Variants in RIPK3 observed in about 807,000 individuals in gnomAD.
RIPK3 encodes the protein receptor interacting serine/threonine kinase 3.
A neutral mutation model predicts 51.6 loss-of-function variants in RIPK3; 51 were observed. The ratio of observed to expected loss-of-function variants is 0.99; its 90% confidence interval spans 0.79 to 1.25. The LOEUF (loss-of-function observed/expected upper bound fraction) is 1.25. RIPK3 is among the 50% of genes most tolerant of loss of function. The pLI, the probability that RIPK3 is intolerant of heterozygous loss-of-function variation, is 0.00. For missense variants in RIPK3, 654 were observed against 650.4 expected (o/e 1.01, Z -0.06); for synonymous variants, 246 against 257.7 (o/e 0.95, Z 0.44).
rs2042167092 is a variant in RIPK3 at position 24,339,380 on chromosome 14, T to C, written c.162-56A>G. 3 of 1,609,642 alleles carry C rather than the reference T, an allele frequency of 1.9e-6. No individual in the cohort carries two copies. The highest frequency in any genetic ancestry group is 2.2e-5 in the South Asian group (2 of 90,900). On this transcript the variant is annotated intron_variant, in intron 2 of 9. Transcript: ENST00000216274. The surrounding 1 kb of genome is among the most constrained non-coding windows in gnomAD (Gnocchi z 4.0). ...CGGGGTCGTGGGAAAATCCCTCCCT[T>C]CGCCATTCAGGCCCCAGAGCACAGT...
At chr14:24,337,545 T>C in intron 7 of RIPK3, 85 bp from the exon 8 acceptor site, 3 of 1,610,418 alleles carry the variant, frequency 1.9e-6, no homozygotes, top group Non-Finnish European at 2.5e-6. Flanking sequence ...CCATAATCTG[T>C]TGTCTGGGAA....
chr14:24,336,478 C>G (rs1401174722), intron 9 of RIPK3, 83 bp from the exon 10 acceptor site: 2 of 1,546,954 alleles, frequency 1.3e-6, no homozygotes, highest in East Asian at 2.3e-5. Flanking sequence ...TATGAAGTCT[C>G]TACTTGTCAG....
At position 24,336,201 on chromosome 14, in the gene RIPK3, C is replaced by G; in HGVS notation, c.1531G>C (p.Gly511Arg). ...TATTTCCCGCTATGATTATACCAAC[C>G]CTGTGGCCTGCTCCAGGCTTCAGGA... is the stretch of plus-strand genomic sequence containing the variant. ...KDPEAWSRPQ[G>R]WYNHSGK is the part of the protein sequence containing the mutation. The change falls in exon 10 of 10, where the codon GGT becomes CGT. Residue 511 changes from glycine to arginine, a missense_variant. Coordinates refer to ENST00000216274, the MANE Select transcript of RIPK3 (RefSeq NM_006871.4). 6.2e-7 allele frequency: 1 copy of G among 1,613,916 alleles called. No homozygotes were observed. The highest frequency in any genetic ancestry group is 8.5e-7 in the Non-Finnish European group (1 of 1,179,962).
chr14:24,337,114 G>C lies in RIPK3; in HGVS notation c.1247C>G (p.Thr416Arg), dbSNP rs750757582. 5.6e-6 allele frequency: 9 copies of C among 1,611,082 alleles called. No individual in the cohort carries two copies. The Admixed American group carries it at 1.5e-4, about 27-fold the overall frequency. The change falls in exon 8 of 10, where the codon ACA becomes AGA. Residue 416 changes from threonine (T) to arginine (R), a missense_variant. By Grantham distance (71) the Thr-to-Arg change is moderately conservative. Coordinates refer to ENST00000216274, the MANE Select transcript of RIPK3 (RefSeq NM_006871.4). ...ATTCCCTCGGGGTCCAGGACTTGGTGTTCCAGTTGAGGTAGGGCTGGGCAT... is the reference window on the plus strand; with the variant it reads ...ATTCCCTCGGGGTCCAGGACTTGGTCTTCCAGTTGAGGTAGGGCTGGGCAT... ...NQMPSPTSTG[T>R]PSPGPRGNQG... is the part of the protein sequence containing the mutation.
chr14:24,337,532 G>T (rs572227719), intron 7 of RIPK3, 72 bp from the exon 8 acceptor site: 2 of 1,611,256 alleles, frequency 1.2e-6, no homozygotes, highest in Admixed American at 3.3e-5. Context: ...GTAGTCTCTC[G>T]GTCCATAATC....
rs1329128584 is a variant in RIPK3, at chr14:24,338,887, C to T, written c.471+128G>A. 3 of 802,686 alleles carry T rather than the reference C, an allele frequency of 3.7e-6. No individual in the cohort carries two copies. The African/African-American group carries it at 5.2e-5, about 14-fold the overall frequency. The allele number at this position is 802,686 out of a possible 1,614,324, so 49.7% of individuals were successfully genotyped here. On this transcript the variant is annotated intron_variant, in intron 3 of 9. Coordinates refer to ENST00000216274, the MANE Select transcript of RIPK3 (RefSeq NM_006871.4). ...TGGCTGGGCTTTGTCCCCTGGCAGC[C>T]CTGTGTCCAGAGAGAGAGGCTACGC...
At position 24,336,840 on chromosome 14, in the gene RIPK3, G is replaced by T. The variant is rs767072012; in HGVS notation, c.1336+45C>A. The T allele has an allele frequency of 2.6e-6, 4 of 1,530,052 alleles. No individual in the cohort carries two copies. In the African/African-American group the frequency reaches 5.5e-5, roughly 21 times the overall value. 94.8% of individuals were successfully genotyped at this position (1,530,052 alleles called of 1,614,324 possible). On this transcript the variant is annotated intron_variant, in intron 9 of 9. Coordinates refer to ENST00000216274, the MANE Select transcript of RIPK3 (RefSeq NM_006871.4). Reference sequence around the variant, plus strand: ...GATATAGGTCTGGAGGAGGAGTCTGGTGGAAGAATTGAACAGGGAAAAGAA... The same window carrying T: ...GATATAGGTCTGGAGGAGGAGTCTGTTGGAAGAATTGAACAGGGAAAAGAA...
chr14:24,338,507 C>A lies in RIPK3; in HGVS notation c.532G>T (p.Glu178Ter). The change falls in exon 4 of 10, where the codon GAG (glutamate) becomes TAG (stop). Residue 178 changes from glutamate (E) to a stop codon, truncating the protein, a stop_gained. Coordinates refer to ENST00000216274, the MANE Select transcript of RIPK3 (RefSeq NM_006871.4). LOFTEE classifies it high-confidence loss of function. ...GGSQSGTGSG[E>*]PGGTLGYLAP... The stretch of plus-strand genomic sequence containing the variant: ...AAGTAGCCCAGGGTGCCCCCTGGCT[C>A]CCCGGACCCTGTCCCTGACTGTGAG... The A allele has an allele frequency of 6.2e-7, 1 of 1,613,590 alleles. No homozygotes were observed. Among genetic ancestry groups the A allele is most frequent in the Non-Finnish European group, 8.5e-7 (1 of 1,179,576 alleles).
Position 24,337,256 on chromosome 14 carries a change from T to C in RIPK3, c.1105A>G (p.Thr369Ala). ...SSVPKKCPSL[T>A]KRSRAQEEQV... The stretch of plus-strand genomic sequence containing the variant: ...TCCTCTTGTGCCCTGCTCCTCTTGG[T>C]AAGGCTCGGGCATTTTTTAGGAACA... The change falls in exon 8 of 10, where the codon ACC becomes GCC. Residue 369 changes from threonine (T) to alanine (A), a missense_variant. Physicochemically the swap from Thr to Ala is moderately conservative, Grantham distance 58. Coordinates refer to ENST00000216274, the MANE Select transcript of RIPK3 (RefSeq NM_006871.4). 6.2e-7 allele frequency: 1 copy of C among 1,614,102 alleles called. No individual in the cohort carries two copies. Among genetic ancestry groups the C allele is most frequent in the Non-Finnish European group, 8.5e-7 (1 of 1,180,026 alleles).
At chr14:24,338,188 T>C in intron 5 of RIPK3, 61 bp downstream of exon 5, 1 of 1,539,334 alleles carries the variant, frequency 6.5e-7, no homozygotes, top group Non-Finnish European at 8.8e-7. Context: ...GGGGAAGCCT[T>C]GGGGCTTTCA....
Position 24,337,696 on chromosome 14 carries a change from G to T in RIPK3, c.899C>A (p.Thr300Lys), listed in dbSNP as rs34106261. The T allele has an allele frequency of 1.9e-6, 3 of 1,609,980 alleles. No individual in the cohort carries two copies. Among genetic ancestry groups the T allele is most frequent in the African/African-American group, 2.7e-5 (2 of 74,830 alleles). Residue 300 changes from threonine (T) to lysine (K), a missense_variant and splice_region_variant, in exon 7 of 10, where the codon ACG becomes AAG. Physicochemically the swap from Thr to Lys is moderately conservative, Grantham distance 78. Coordinates refer to ENST00000216274, the MANE Select transcript of RIPK3 (RefSeq NM_006871.4). ...GGGAGGGGTGATGTTGGCACTCACC[G>T]TGGAGACAGCAGCATTCATATTGTT... ...VENNMNAAVSTVKDFLSQLRS... is the reference protein window; with the variant it reads ...VENNMNAAVSKVKDFLSQLRS...
rs752066090 is a variant in RIPK3 at position 24,336,384 on chromosome 14, C to T, written c.1348G>A (p.Val450Ile). ...ACCCCAGAGCAGTTGTATATGTTAACGAGCGGTCGCCCTTTAAGAGAAATA... is the reference window on the plus strand; with the variant it reads ...ACCCCAGAGCAGTTGTATATGTTAATGAGCGGTCGCCCTTTAAGAGAAATA... ...EPNPVTGRPL[V>I]NIYNCSGVQV... Residue 450 changes from valine to isoleucine, a missense_variant, in exon 10 of 10, where the codon GTT becomes ATT. Val to Ile is a conservative substitution (Grantham distance 29). Transcript: ENST00000216274. 36 of 1,613,238 alleles carry T rather than the reference C, an allele frequency of 2.2e-5. No individual in the cohort carries two copies. In the East Asian group the frequency reaches 2.9e-4, roughly 13 times the overall value.
At position 24,336,119 on chromosome 14, in the gene RIPK3, A is replaced by T; in HGVS notation, c.*56T>A. On this transcript the variant is annotated 3_prime_UTR_variant, in exon 10 of 10. Transcript: ENST00000216274. ...GCCCTAGAAGGAAGTCAGGGGCCTC[A>T]AGGGGTGGCACTCTTCCTTAACTCG... is the stretch of plus-strand genomic sequence containing the variant. 1.9e-6 allele frequency: 3 copies of T among 1,561,998 alleles called. No homozygotes were observed. The highest frequency in any genetic ancestry group is 2.6e-6 in the Non-Finnish European group (3 of 1,150,396).
Position 24,339,015 on chromosome 14 carries a change from C to A in RIPK3, c.471G>T (p.Lys157Asn). Residue 157 changes from lysine to asparagine, a missense_variant and splice_region_variant, in exon 3 of 10, where the codon AAG (lysine) becomes AAT (asparagine). By Grantham distance (94) the Lys-to-Asn change is moderately conservative. Coordinates refer to ENST00000216274, the MANE Select transcript of RIPK3 (RefSeq NM_006871.4). The surrounding 1 kb of genome is among the most constrained non-coding windows in gnomAD (Gnocchi z 4.0). ...CTGAGAGGGGTGTAGACCAGCTGACCTTGACGTGCAGCTCTGGGTCCAGCA... is the reference window on the plus strand; with the variant it reads ...CTGAGAGGGGTGTAGACCAGCTGACATTGACGTGCAGCTCTGGGTCCAGCA... ...NVLLDPELHV[K>N]LADFGLSTFQ... 1.9e-6 allele frequency: 3 copies of A among 1,613,296 alleles called. No homozygotes were observed. Among genetic ancestry groups the A allele is most frequent in the Non-Finnish European group, 2.5e-6 (3 of 1,179,228 alleles).
Position 24,336,036 on chromosome 14 carries a change from C to T in RIPK3, c.*139G>A. On this transcript the variant is annotated 3_prime_UTR_variant, in exon 10 of 10. Transcript: ENST00000216274. ...GAGCTCAGACTGACTAGCATTCCAT[C>T]ATGTTTATTGACTCCTGGGGGACAG... 3 of 822,536 alleles carry T rather than the reference C, an allele frequency of 3.6e-6. No individual in the cohort carries two copies. Among genetic ancestry groups the T allele is most frequent in the Non-Finnish European group, 5.5e-6 (3 of 540,710 alleles). The allele number at this position is 822,536 out of a possible 1,614,324, so 51.0% of individuals were successfully genotyped here. A position where few individuals can be genotyped will look rare whatever the true frequency, so the allele number is the denominator to read the frequency against.
Position 24,337,755 on chromosome 14 carries a change from T to C in RIPK3, c.840A>G (p.Leu280=), listed in dbSNP as rs761512630. 3 of 1,613,974 alleles carry C rather than the reference T, an allele frequency of 1.9e-6. No homozygotes were observed. The highest frequency in any genetic ancestry group is 2.2e-5 in the South Asian group (2 of 91,070). The stretch of plus-strand genomic sequence containing the variant: ...TCTGGAAGACTTCATCAGTTTTTGG[T>C]AGGCATTCTAGAGGGACAGCAGAGT... The part of the protein sequence containing the change: ...PKDRPSFQEC[L]PKTDEVFQMV... Residue 280 remains leucine (L), a synonymous_variant, in exon 7 of 10, where the codon CTA becomes CTG. Transcript: ENST00000216274.
chr14:24,339,638 C>T lies in RIPK3; in HGVS notation c.21-41G>A, dbSNP rs766088490. 1 of 1,609,918 alleles carries T rather than the reference C, an allele frequency of 6.2e-7. No individual in the cohort carries two copies. The highest frequency in any genetic ancestry group is 8.5e-7 in the Non-Finnish European group (1 of 1,177,092). On this transcript the variant is annotated intron_variant, in intron 1 of 9. Coordinates refer to ENST00000216274, the MANE Select transcript of RIPK3 (RefSeq NM_006871.4). The surrounding 1 kb of genome is among the most constrained non-coding windows in gnomAD (Gnocchi z 4.0). ...CGCCCACTAGCCGGCCGTGCCGTGC[C>T]TCAGCGCTGCTCCCCGCGCCCCTGT...
chr14:24,336,650 G>C (rs1325194506), intron 9 of RIPK3: 1 of 667,982 alleles, frequency 1.5e-6, no homozygotes, highest in Non-Finnish European at 2.5e-6. Context: ...GGGGCTCACA[G>C]AGCTGGTGTT....
In RIPK3 at chr14:24,339,066, G is replaced by A. The variant is rs755256913; in HGVS notation, c.420C>T (p.His140=). ...YLHDQNPVLL[H]RDLKPSNVLL... ...GGACGTTGGATGGCTTGAGGTCCCG[G>A]TGCAGGAGCACCGGGTTCTGGTCGT... Residue 140 remains histidine (H), a synonymous_variant, in exon 3 of 10, where the codon CAC becomes CAT. Transcript: ENST00000216274. This position sits in a 1 kb window ranked among gnomAD's most constrained non-coding sequence, Gnocchi z 4.0. The A allele has an allele frequency of 1.9e-6, 3 of 1,614,192 alleles. No homozygotes were observed. The highest frequency in any genetic ancestry group is 2.5e-6 in the Non-Finnish European group (3 of 1,180,002).
Sources: gnomAD v4.1 joint callset for allele counts on GRCh38, gnomAD v4.1.1 for gene constraint, Gnocchi (gnomAD v3.1) non-coding constraint, MANE v1.5 for transcripts, NCBI Gene and HGNC (gene_info 2026-07-23, HGNC 2026-07-21) for gene names.